Variants in SYCE2 observed in about 807,000 individuals in gnomAD.
SYCE2 encodes the protein synaptonemal complex central element protein 2, also known as central element synaptonemal complex 1.
SYCE2 carries 3 observed loss-of-function variants against 27.9 expected under a neutral mutation model. The ratio of observed to expected loss-of-function variants is 0.11; its 90% CI spans 0.05 to 0.28. The LOEUF is 0.28. Ranked by LOEUF, SYCE2 falls within the 10% of genes least tolerant of loss-of-function variation. The pLI, the probability that SYCE2 is intolerant of heterozygous loss-of-function variation, is 1.00. For synonymous variants in SYCE2, 85 were observed against 100.7 expected (o/e 0.84, Z 0.93); for missense variants, 207 against 263.5 (o/e 0.79, Z 1.48).
At chr19:12,909,479 A>T (rs1971004722) in intron 2 of SYCE2, among the ~76,000 whole-genome samples, 1 of 152,192 alleles carries the variant, frequency 6.6e-6, no homozygotes, top group Non-Finnish European at 1.5e-5. Flanking sequence ...ACTTAGCAGC[A>T]AGCCTAGAGT....
intron 3 of SYCE2, among the ~76,000 whole-genome samples, chr19:12,902,721 GAGA>G (rs1199097430): frequency 3.9e-5 from 6 of 152,070 alleles, no homozygotes; most frequent in African/African-American, 1.4e-4. Flanking sequence ...AGGCTGAGGT[GAGA>G]AGATTGCTTG....
At position 12,918,141 on chromosome 19, in the gene SYCE2, G is replaced by A. The variant is rs983634285; in HGVS notation, c.131+81C>T. 13 of 1,208,190 alleles carry A rather than the reference G, an allele frequency of 1.1e-5. No homozygotes were observed. The African/African-American group carries it at 1.9e-4, about 18-fold the overall frequency. The allele number at this position is 1,208,190 out of a possible 1,614,324, so 74.8% of individuals were successfully genotyped here. Reference sequence around the variant, plus strand: ...AGGGAAAAAAAAAGCAGCAGACACTGGCATAGCCTTGTGGAAGAAAAGGGT... The same window carrying A: ...AGGGAAAAAAAAAGCAGCAGACACTAGCATAGCCTTGTGGAAGAAAAGGGT... On this transcript the variant is annotated intron_variant, in intron 2 of 5. Coordinates refer to ENST00000293695, the MANE Select transcript of SYCE2 (RefSeq NM_001105578.2).
chr19:12,917,227 G>A (rs968760565), intron 2 of SYCE2, among the ~76,000 whole-genome samples: 21 of 149,240 alleles, frequency 1.4e-4, no homozygotes, highest in African/African-American at 5.2e-4. Flanking sequence ...ACCATGCCTG[G>A]CTAATTTTTG....
At chr19:12,914,178 T>C (rs1188859900) in intron 2 of SYCE2, 2 of 152,216 alleles carry the variant, frequency 1.3e-5, no homozygotes, top group South Asian at 2.1e-4. Context: ...TTCTTGTCTC[T>C]GCCAGAGAAG....
intron 4 of SYCE2, 56 bp downstream of exon 4, chr19:12,900,404 T>C (rs1470122780): frequency 6.4e-7 from 1 of 1,567,058 alleles, no homozygotes; most frequent in Non-Finnish European, 8.7e-7. Context: ...TACTCTTGGC[T>C]GGGCCATCCC....
chr19:12,909,209 A>G (rs917470379), intron 2 of SYCE2, among the ~76,000 whole-genome samples: 4 of 152,194 alleles, frequency 2.6e-5, no homozygotes, highest in East Asian at 3.8e-4. Context: ...TGTGCTGCTA[A>G]TAAGTAAATG....
intron 2 of SYCE2, 111 bp downstream of exon 2, chr19:12,918,111 T>G: frequency 3.5e-6 from 3 of 866,386 alleles, no homozygotes; most frequent in South Asian, 1.5e-5. Context: ...AGACGCTGTG[T>G]TAGGAGGGAA....
chr19:12,911,888 G>T (rs554275049), intron 2 of SYCE2, among the ~76,000 whole-genome samples: 19 of 151,712 alleles, frequency 1.3e-4, no homozygotes, highest in Admixed American at 1.1e-3. Flanking sequence ...AAATTGCTGG[G>T]ATTACAGGCG....
In SYCE2 at chr19:12,898,948, T is replaced by A. The variant is rs115681337; in HGVS notation, c.*393A>T. The A allele has an allele frequency of 0.021, 5,487 of 261,356 alleles. 301 individuals are homozygous for A. The highest frequency in any genetic ancestry group is 0.11 in the African/African-American group (5,118 of 44,856). The allele number at this position is 261,356 out of a possible 1,614,324, so 16.2% of individuals were successfully genotyped here. On this transcript the variant is annotated 3_prime_UTR_variant, in exon 6 of 6. Transcript: ENST00000293695. Reference sequence around the variant, plus strand: ...AGAGGCGGCTTCAGATGGGCAGAGGTCAGCTGAGGCAAGTGACTGCTCTTC... The same window carrying A: ...AGAGGCGGCTTCAGATGGGCAGAGGACAGCTGAGGCAAGTGACTGCTCTTC...
chr19:12,917,246 G>A (rs1198610665), intron 2 of SYCE2, among the ~76,000 whole-genome samples: 1 of 151,536 alleles, frequency 6.6e-6, no homozygotes, highest in Non-Finnish European at 1.5e-5. Flanking sequence ...TGTAGACACA[G>A]GGTTTCACCA....
chr19:12,907,296 C>A (rs1970951854), intron 2 of SYCE2, among the ~76,000 whole-genome samples: 1 of 152,172 alleles, frequency 6.6e-6, no homozygotes, highest in Non-Finnish European at 1.5e-5. Context: ...GGCTTTGTAC[C>A]CAGAAGGCCT....
chr19:12,918,127 AAGC>A, intron 2 of SYCE2, 92 bp downstream of exon 2: 10 of 1,075,320 alleles, frequency 9.3e-6, no homozygotes, highest in Non-Finnish European at 1.1e-5. Flanking sequence ...GGGAAAAAAA[AAGC>A]AGCAGACACT....
At chr19:12,905,480 C>T (rs574954913) in intron 2 of SYCE2, among the ~76,000 whole-genome samples, 49 of 151,768 alleles carry the variant, frequency 3.2e-4, no homozygotes, top group Admixed American at 5.9e-4. Context: ...TACAGGCGCC[C>T]GCCACCACGT....
At chr19:12,905,250 G>A (rs756390947) in intron 2 of SYCE2, among the ~76,000 whole-genome samples, 16 of 152,172 alleles carry the variant, frequency 1.1e-4, no homozygotes, top group Non-Finnish European at 1.8e-4. Flanking sequence ...AAGGAGGTCT[G>A]TCTGTCCCCA....
chr19:12,918,801 A>C (rs912418892), intron 1 of SYCE2, among the ~76,000 whole-genome samples: 10 of 151,850 alleles, frequency 6.6e-5, no homozygotes, highest in Non-Finnish European at 1.0e-4. Flanking sequence ...AAAATACAAA[A>C]ATTAGCTGAC....
intron 2 of SYCE2, among the ~76,000 whole-genome samples, chr19:12,914,503 CCTG>C: frequency 6.6e-6 from 1 of 152,192 alleles, no homozygotes; most frequent in South Asian, 2.1e-4. Context: ...CTCCATCTGC[CCTG>C]CTAAAGGCCA....
At chr19:12,919,177 T>C in intron 1 of SYCE2, 66 bp downstream of exon 1, 1 of 1,592,042 alleles carries the variant, frequency 6.3e-7, no homozygotes, top group Non-Finnish European at 8.6e-7. Flanking sequence ...ATGGCTGGGA[T>C]CGCAGCCGTT....
intron 3 of SYCE2, among the ~76,000 whole-genome samples, chr19:12,903,735 G>C (rs1970885953): frequency 6.6e-6 from 1 of 151,886 alleles, no homozygotes; most frequent in South Asian, 2.1e-4. Context: ...CCAGGCTGCA[G>C]TGCCGTGCAG....
At chr19:12,916,369 A>T (rs1166649473) in intron 2 of SYCE2, among the ~76,000 whole-genome samples, 1 of 151,974 alleles carries the variant, frequency 6.6e-6, no homozygotes, top group Non-Finnish European at 1.5e-5. Context: ...CGCCCGGCCA[A>T]CATGAGCCTC....
Sources: allele counts gnomAD v4.1 joint callset (sites outside exome capture counted in the v4.1 genomes callset), GRCh38; gene constraint gnomAD v4.1.1; transcripts MANE v1.5; gene names NCBI Gene and HGNC (gene_info 2026-07-23, HGNC 2026-07-21).